The following GPR142 variants were observed in gnomAD, a reference collection of about 807,000 sequenced individuals.
GPR142 encodes G-protein coupled receptor 142 long form.
GPR142 carries 9 observed loss-of-function variants against 10.6 expected under a neutral mutation model. The observed-to-expected ratio is 0.85, with a 90% CI of 0.51 to 1.48. The LOEUF is 1.48. GPR142 is among the 40% of genes most tolerant of loss of function. The probability of loss-of-function intolerance (pLI) is 0.00; values close to 1 mark genes in which losing one functional copy is unlikely to be tolerated. For missense variants in GPR142, 482 were observed against 506.0 expected (o/e 0.95, Z 0.45); for synonymous variants, 202 against 221.2 (o/e 0.91, Z 0.77).
At position 74,367,769 on chromosome 17, in the gene GPR142, G is replaced by A. The variant is rs199926253; in HGVS notation, c.-99G>A. ...GCCAGGTGAATCCAGCTGCCTCCCA[G>A]AACAGGCCTTCTATGGGGTGGGATG... On this transcript the variant is annotated 5_prime_UTR_variant, in exon 1 of 4. Coordinates refer to ENST00000582579, the MANE Select transcript of GPR142 (RefSeq NM_001331076.1). The A allele has an allele frequency of 8.8e-5, 141 of 1,611,086 alleles. 1 individual carries two copies. The highest frequency in any genetic ancestry group is 4.5e-5 in the East Asian group (2 of 44,806).
chr17:74,372,220 A>T lies in GPR142; in HGVS notation c.745A>T (p.Ile249Phe). 1 of 1,614,004 alleles carries T rather than the reference A, an allele frequency of 6.2e-7. No homozygotes were observed. The highest frequency in any genetic ancestry group is 8.5e-7 in the Non-Finnish European group (1 of 1,179,868). Residue 249 changes from isoleucine (I) to phenylalanine (F), a missense_variant, in exon 4 of 4, where the codon ATC becomes TTC. Transcript: ENST00000582579. Reference sequence around the variant, plus strand: ...GTTCCTGGTCACCAACTCGGCCATCATCCACCGGCTACGGAGGAGGGGCCG... The same window carrying T: ...GTTCCTGGTCACCAACTCGGCCATCTTCCACCGGCTACGGAGGAGGGGCCG... ...GVFLVTNSAI[I>F]HRLRRRGRSG...
intron 1 of GPR142, among the ~76,000 whole-genome samples, chr17:74,368,108 C>T (rs866642028): frequency 6.6e-6 from 1 of 152,108 alleles, no homozygotes; most frequent in South Asian, 2.1e-4. Flanking sequence ...CAGCGAGGCC[C>T]CAAACTCTCT....
Position 74,372,392 on chromosome 17 carries a change from T to C in GPR142, c.917T>C (p.Leu306Pro). 6.2e-7 allele frequency: 1 copy of C among 1,614,068 alleles called. No homozygotes were observed. The highest frequency in any genetic ancestry group is 8.5e-7 in the Non-Finnish European group (1 of 1,179,938). ...GTCCACCGGGACTGGAGGGTCCACC[T>C]GGCCTTGGATGTGGCCAATATGGTG... ...APVHRDWRVH[L>P]ALDVANMVAM... The change falls in exon 4 of 4, where the codon CTG (leucine) becomes CCG (proline). Residue 306 changes from leucine (L) to proline (P), a missense_variant. Transcript: ENST00000582579.
chr17:74,370,006 A>G (rs1300843279), intron 2 of GPR142, among the ~76,000 whole-genome samples: 1 of 152,170 alleles, frequency 6.6e-6, no homozygotes, highest in Non-Finnish European at 1.5e-5. Context: ...AGAGGGGGAC[A>G]GCTGTTGAGT....
At position 74,372,016 on chromosome 17, in the gene GPR142, G is replaced by A. The variant is rs375980809; in HGVS notation, c.541G>A (p.Ala181Thr). ...ALCHPLHHRA[A>T]SSPGRTRRAI... ...GTGCCACCCCCTGCACCATCGGGCCGCCTCGTCCCCAGGCCGGACCCGCCG... is the reference window on the plus strand; with the variant it reads ...GTGCCACCCCCTGCACCATCGGGCCACCTCGTCCCCAGGCCGGACCCGCCG... The change falls in exon 4 of 4, where the codon GCC (alanine) becomes ACC (threonine). Residue 181 changes from alanine (A) to threonine (T), a missense_variant. Coordinates refer to ENST00000582579, the MANE Select transcript of GPR142 (RefSeq NM_001331076.1). The A allele has an allele frequency of 3.6e-5, 58 of 1,613,266 alleles. No individual in the cohort carries two copies. Among genetic ancestry groups the A allele is most frequent in the Admixed American group, 6.7e-5 (4 of 59,972 alleles).
chr17:74,370,647 A>G lies in GPR142; in HGVS notation c.221A>G (p.Tyr74Cys), dbSNP rs542945226. 2.8e-5 allele frequency: 45 copies of G among 1,613,934 alleles called. No individual in the cohort carries two copies. Among genetic ancestry groups the G allele is most frequent in the Middle Eastern group, 1.7e-4 (1 of 6,060 alleles). ...GTGGCTGGCGTCATCCCTGTCATCTACTACAGTGTCCTGCTGGGCTTGGGG... is the reference window on the plus strand; with the variant it reads ...GTGGCTGGCGTCATCCCTGTCATCTGCTACAGTGTCCTGCTGGGCTTGGGG... ...PCVAGVIPVIYYSVLLGLGLP... is the reference protein window; with the variant it reads ...PCVAGVIPVICYSVLLGLGLP... Residue 74 changes from tyrosine to cysteine, a missense_variant, in exon 3 of 4, where the codon TAC (tyrosine) becomes TGC (cysteine). Transcript: ENST00000582579.
Position 74,367,667 on chromosome 17 carries a change from G to A in GPR142, c.-201G>A. On this transcript the variant is annotated 5_prime_UTR_variant, in exon 1 of 4. It adds an upstream start codon to the 5' untranslated region. Transcript: ENST00000582579. ...AGCATTCTTGTCTCAGCCATTCCAG[G>A]TGGCTGAGGTCTCCACAGGTCACAG... 1 of 1,613,796 alleles carries A rather than the reference G, an allele frequency of 6.2e-7. No individual in the cohort carries two copies. The highest frequency in any genetic ancestry group is 8.5e-7 in the Non-Finnish European group (1 of 1,180,022).
chr17:74,367,836 A>G (rs138064774), intron 1 of GPR142, 42 bp downstream of exon 1: 5 of 1,514,250 alleles, frequency 3.3e-6, no homozygotes, highest in Middle Eastern at 3.9e-4. Flanking sequence ...CATTGTAGCA[A>G]ACTCAGTCCC....
At position 74,372,025 on chromosome 17, in the gene GPR142, C is replaced by T; in HGVS notation, c.550C>T (p.Pro184Ser). Residue 184 changes from proline to serine, a missense_variant, in exon 4 of 4, where the codon CCA becomes TCA. Pro to Ser is a moderately conservative substitution (Grantham distance 74, BLOSUM62 -1). Transcript: ENST00000582579. ...HPLHHRAASS[P>S]GRTRRAIAAV... ...CCTGCACCATCGGGCCGCCTCGTCC[C>T]CAGGCCGGACCCGCCGGGCCATTGC... is the stretch of plus-strand genomic sequence containing the variant. The T allele has an allele frequency of 6.2e-7, 1 of 1,613,828 alleles. No individual in the cohort carries two copies. Among genetic ancestry groups the T allele is most frequent in the Non-Finnish European group, 8.5e-7 (1 of 1,179,996 alleles).
At chr17:74,371,158 G>A (rs1567937238) in intron 3 of GPR142, among the ~76,000 whole-genome samples, 1 of 21,600 alleles carries the variant, frequency 4.6e-5, no homozygotes, top group South Asian at 4.5e-3. Flanking sequence ...AGGACAGGTA[G>A]CTTTTTTTTT....
intron 1 of GPR142, 64 bp downstream of exon 1, chr17:74,367,858 T>TC: frequency 7.1e-7 from 1 of 1,411,884 alleles, no homozygotes; most frequent in Non-Finnish European, 9.5e-7. Flanking sequence ...CTCCTCCATC[T>TC]CTCCCTCTCC....
chr17:74,370,851 G>C (rs2055018655), intron 3 of GPR142, among the ~76,000 whole-genome samples, 172 bp downstream of exon 3: 1 of 152,190 alleles, frequency 6.6e-6, no homozygotes, highest in African/African-American at 2.4e-5. Context: ...ACAAGTAAGG[G>C]GCTAGGATTG....
At position 74,372,341 on chromosome 17, in the gene GPR142, T is replaced by C; in HGVS notation, c.866T>C (p.Met289Thr). Residue 289 changes from methionine (M) to threonine (T), a missense_variant, in exon 4 of 4, where the codon ATG (methionine) becomes ACG (threonine). Coordinates refer to ENST00000582579, the MANE Select transcript of GPR142 (RefSeq NM_001331076.1). ...TLLWAPRVFV[M>T]LYHMYVAPVH... Reference sequence around the variant, plus strand: ...CTGTGGGCGCCCCGGGTCTTCGTCATGCTCTACCACATGTACGTGGCCCCT... The same window carrying C: ...CTGTGGGCGCCCCGGGTCTTCGTCACGCTCTACCACATGTACGTGGCCCCT... 6.2e-7 allele frequency: 1 copy of C among 1,614,018 alleles called. No homozygotes were observed. The highest frequency in any genetic ancestry group is 8.5e-7 in the Non-Finnish European group (1 of 1,179,872).
In GPR142 at chr17:74,372,399, G is replaced by T; in HGVS notation, c.924G>T (p.Leu308Phe). Residue 308 changes from leucine (L) to phenylalanine (F), a missense_variant, in exon 4 of 4, where the codon TTG becomes TTT. Coordinates refer to ENST00000582579, the MANE Select transcript of GPR142 (RefSeq NM_001331076.1). ...GGGACTGGAGGGTCCACCTGGCCTT[G>T]GATGTGGCCAATATGGTGGCCATGC... Reference protein sequence around the residue: ...VHRDWRVHLALDVANMVAMLH... With the variant: ...VHRDWRVHLAFDVANMVAMLH... 1 of 1,614,104 alleles carries T rather than the reference G, an allele frequency of 6.2e-7. No homozygotes were observed. Among genetic ancestry groups the T allele is most frequent in the Non-Finnish European group, 8.5e-7 (1 of 1,179,968 alleles).
In GPR142 at chr17:74,371,780, G is replaced by A. The variant is rs1202285404; in HGVS notation, c.305G>A (p.Arg102Lys). The A allele has an allele frequency of 2.5e-6, 4 of 1,612,162 alleles. No individual in the cohort carries two copies. The Admixed American group carries it at 5.0e-5, about 20-fold the overall frequency. Residue 102 changes from arginine to lysine, a missense_variant, in exon 4 of 4, where the codon AGG becomes AAG. Transcript: ENST00000582579. ...ALARLATRTR[R>K]PSYYYLLALT... ...GCGCGCCTTGCCACCAGGACCAGGA[G>A]GCCCTCCTACTACTACCTTCTGGCG...
At chr17:74,369,405 C>T in intron 1 of GPR142, 63 bp from the exon 2 acceptor site, 1 of 1,497,972 alleles carries the variant, frequency 6.7e-7, no homozygotes, top group Non-Finnish European at 9.1e-7. Flanking sequence ...AGCTCTTTCC[C>T]CGGTGCCTCC....
chr17:74,371,002 G>A (rs1352606063), intron 3 of GPR142, among the ~76,000 whole-genome samples: 5 of 152,230 alleles, frequency 3.3e-5, no homozygotes, highest in Non-Finnish European at 7.3e-5. Context: ...TTGGGGCAGA[G>A]GTGGGTGTGT....
At chr17:74,368,656 C>T (rs1023536140) in intron 1 of GPR142, among the ~76,000 whole-genome samples, 2 of 152,190 alleles carry the variant, frequency 1.3e-5, no homozygotes, top group African/African-American at 2.4e-5. Context: ...ATCCATGTCC[C>T]GGGTACCTGC....
At chr17:74,368,005 G>T (rs1001654456) in intron 1 of GPR142, among the ~76,000 whole-genome samples, 2 of 152,170 alleles carry the variant, frequency 1.3e-5, no homozygotes, top group Non-Finnish European at 1.5e-5. Flanking sequence ...AGTGGGCTTG[G>T]CATGGTGACT....
Sources: gnomAD v4.1 joint callset for allele counts (sites outside exome capture counted in the v4.1 genomes callset) on GRCh38, gnomAD v4.1.1 for gene constraint, MANE v1.5 for transcripts, NCBI Gene and HGNC (gene_info 2026-07-23, HGNC 2026-07-21) for gene names.